Variants in PDE3A observed in about 807,000 individuals in gnomAD.
The protein encoded by PDE3A is cGMP-inhibited 3',5'-cyclic phosphodiesterase 3A.
Under a neutral mutation model 98.3 loss-of-function variants are expected in PDE3A, and 43 were observed. The ratio of observed to expected loss-of-function variants is 0.44; its 90% CI spans 0.34 to 0.56. PDE3A has a LOEUF of 0.56. PDE3A is among the 20% of genes least tolerant of loss of function. The probability of loss-of-function intolerance (pLI) is 0.01; values close to 1 mark genes in which losing one functional copy is unlikely to be tolerated. For missense variants in PDE3A, 1,427 were observed against 1,440.7 expected, an observed-to-expected ratio of 0.99 and a Z score of 0.15; for synonymous variants, 663 against 567.9, an observed-to-expected ratio of 1.17 and a Z score of -2.38.
chr12:20,631,264 A>G (rs1420091331), intron 6 of PDE3A, among the ~76,000 whole-genome samples: 3 of 152,162 alleles, frequency 2.0e-5, no homozygotes, highest in African/African-American at 7.2e-5. Context: ...CTTTTCCACA[A>G]AAGAGCAAGT....
At chr12:20,618,914 A>AT (rs1944072360) in intron 4 of PDE3A, among the ~76,000 whole-genome samples, 1 of 152,102 alleles carries the variant, frequency 6.6e-6, no homozygotes, top group Non-Finnish European at 1.5e-5. Flanking sequence ...TAATAAGAGC[A>AT]TAAGACCACC....
intron 1 of PDE3A, among the ~76,000 whole-genome samples, chr12:20,427,242 G>A (rs184174283): frequency 1.2e-4 from 18 of 152,284 alleles, no homozygotes; most frequent in East Asian, 5.8e-4. Context: ...GTGTTTGTCC[G>A]TGAACTCTCG....
chr12:20,434,221 T>G (rs1207722218), intron 1 of PDE3A, among the ~76,000 whole-genome samples: 1 of 152,114 alleles, frequency 6.6e-6, no homozygotes, highest in East Asian at 1.9e-4. Context: ...TAGTCTTGAC[T>G]GCTGCCTGTT....
intron 1 of PDE3A, among the ~76,000 whole-genome samples, chr12:20,546,206 A>G (rs528493068): frequency 1.3e-5 from 2 of 152,176 alleles, no homozygotes; most frequent in South Asian, 4.1e-4. Context: ...CCCAGTATTG[A>G]CGACTGGAGG....
chr12:20,468,620 T>C (rs143269528), intron 1 of PDE3A, among the ~76,000 whole-genome samples: 2 of 152,214 alleles, frequency 1.3e-5, no homozygotes, highest in Non-Finnish European at 2.9e-5. Context: ...AGCTTCCCTG[T>C]AGCTCCCCTC....
intron 1 of PDE3A, among the ~76,000 whole-genome samples, chr12:20,469,714 T>A (rs555973572): frequency 6.6e-6 from 1 of 152,336 alleles, no homozygotes; most frequent in Non-Finnish European, 1.5e-5. Context: ...TAGAGTAACA[T>A]AATAAATTTT....
intron 2 of PDE3A, among the ~76,000 whole-genome samples, chr12:20,608,400 A>G (rs1364106008): frequency 1.3e-5 from 2 of 152,112 alleles, no homozygotes; most frequent in African/African-American, 4.8e-5. Context: ...TTCCAATAGT[A>G]GAAGTGTTCA....
chr12:20,392,082 G>A (rs1362669749), intron 1 of PDE3A, among the ~76,000 whole-genome samples: 2 of 151,774 alleles, frequency 1.3e-5, no homozygotes, highest in African/African-American at 2.4e-5. Context: ...TTTTTTGTCA[G>A]CATAATAATC....
intron 1 of PDE3A, among the ~76,000 whole-genome samples, chr12:20,494,712 A>G (rs1334464207): frequency 6.6e-6 from 1 of 152,180 alleles, no homozygotes; most frequent in Non-Finnish European, 1.5e-5. Flanking sequence ...ACTTCTGGGC[A>G]GAATTGGAGT....
chr12:20,665,954 CATTTCTT>C lies in PDE3A; in HGVS notation c.3184+11750_3184+11756del, dbSNP rs1278509663. On this transcript the variant is annotated intron_variant, in intron 15 of 15. Coordinates refer to ENST00000359062, the MANE Select transcript of PDE3A (RefSeq NM_000921.5). Reference sequence around the variant, plus strand: ...AATATCTGTCACCTCGAGTATTTGTCATTTCTTTTTTTTTTTTTTTTTTTTTTGAGAC... The same window carrying C: ...AATATCTGTCACCTCGAGTATTTGTCTTTTTTTTTTTTTTTTTTTTGAGAC... Among the ~76,000 whole-genome samples, 287 of 135,934 alleles carry C rather than the reference CATTTCTT, an allele frequency of 2.1e-3. 1 individual carries two copies. Among genetic ancestry groups the C allele is most frequent in the African/African-American group, 7.5e-3 (273 of 36,274 alleles). 89.2% of individuals were successfully genotyped at this position (135,934 alleles called of 152,430 possible).
chr12:20,404,391 A>G (rs1333419631), intron 1 of PDE3A, among the ~76,000 whole-genome samples: 1 of 152,150 alleles, frequency 6.6e-6, no homozygotes. Context: ...TAATAAAATC[A>G]CTTATGTAGA....
chr12:20,672,923 T>A (rs1175783609), intron 15 of PDE3A, among the ~76,000 whole-genome samples: 1 of 143,982 alleles, frequency 6.9e-6, no homozygotes, highest in Non-Finnish European at 1.5e-5. Context: ...ACCTACAAAA[T>A]GGGAGAAAAT....
At chr12:20,558,663 C>G (rs1477565309) in intron 2 of PDE3A, among the ~76,000 whole-genome samples, 1 of 150,626 alleles carries the variant, frequency 6.6e-6, no homozygotes, top group African/African-American at 2.4e-5. Flanking sequence ...GTAATAACCT[C>G]TTATCTGATT....
intron 2 of PDE3A, among the ~76,000 whole-genome samples, chr12:20,565,592 G>A (rs1942636538): frequency 6.6e-6 from 1 of 151,882 alleles, no homozygotes; most frequent in Non-Finnish European, 1.5e-5. Flanking sequence ...GAGGTTATAT[G>A]GAGTAGTAAG....
intron 1 of PDE3A, among the ~76,000 whole-genome samples, chr12:20,490,025 G>C (rs1415245175): frequency 6.6e-6 from 1 of 152,050 alleles, no homozygotes; most frequent in East Asian, 1.9e-4. Flanking sequence ...GGGGAGTTCT[G>C]GGTTTGTATT....
chr12:20,390,567 A>G (rs1277779713), intron 1 of PDE3A, among the ~76,000 whole-genome samples: 3 of 146,852 alleles, frequency 2.0e-5, no homozygotes, highest in South Asian at 2.2e-4. Context: ...GAAACTAGAA[A>G]GATAGTGGCG....
At chr12:20,678,271 T>G (rs555997622) in intron 15 of PDE3A, among the ~76,000 whole-genome samples, 5 of 152,208 alleles carry the variant, frequency 3.3e-5, no homozygotes, top group Admixed American at 6.5e-5. Context: ...CTGAGCAGGC[T>G]GCCTTACTTC....
At chr12:20,622,622 A>C (rs1158944261) in intron 5 of PDE3A, among the ~76,000 whole-genome samples, 1 of 152,154 alleles carries the variant, frequency 6.6e-6, no homozygotes, top group African/African-American at 2.4e-5. Context: ...ATGTAGGCTA[A>C]TGTAGGCAAA....
intron 2 of PDE3A, among the ~76,000 whole-genome samples, chr12:20,600,398 T>C (rs1163900134): frequency 6.6e-6 from 1 of 152,204 alleles, no homozygotes; most frequent in East Asian, 1.9e-4. Context: ...GATGCCAGTA[T>C]TCTACAGGAC....
Sources: allele counts gnomAD v4.1 joint callset (sites outside exome capture counted in the v4.1 genomes callset), GRCh38; gene constraint gnomAD v4.1.1; transcripts MANE v1.5; gene names NCBI Gene and HGNC (gene_info 2026-07-23, HGNC 2026-07-21).